THADA: variants seen among roughly 807,000 people sequenced by gnomAD.
THADA encodes tRNA (32-2'-O)-methyltransferase regulator THADA.
THADA carries 213 observed loss-of-function variants against 219.8 expected under a neutral mutation model. The observed-to-expected ratio is 0.97, with a 90% CI of 0.87 to 1.09. THADA has a LOEUF of 1.09. Ranked by LOEUF, THADA falls within the 50% of genes least tolerant of loss-of-function variation. THADA has a pLI of 0.00. For synonymous variants in THADA, 1,018 were observed against 828.9 expected, an observed-to-expected ratio of 1.23 and a Z score of -3.92; for missense variants, 2,956 against 2,311.3, an observed-to-expected ratio of 1.28 and a Z score of -5.72.
chr2:43,307,213 A>C (rs1398490940), intron 31 of THADA, among the ~76,000 whole-genome samples: 3 of 152,248 alleles, frequency 2.0e-5, no homozygotes, highest in African/African-American at 7.2e-5. Context: ...CCAAGAGGCA[A>C]CTTCTAAGCC....
intron 26 of THADA, among the ~76,000 whole-genome samples, chr2:43,432,253 G>T (rs868291753): frequency 6.6e-6 from 1 of 152,132 alleles, no homozygotes; most frequent in African/African-American, 2.4e-5. Context: ...GCCTCCCAAA[G>T]TTCTGGGATT....
intron 36 of THADA, among the ~76,000 whole-genome samples, chr2:43,264,034 T>A (rs543939737): frequency 6.6e-6 from 1 of 152,174 alleles, no homozygotes; most frequent in African/African-American, 2.4e-5. Flanking sequence ...TTTTCCTCCA[T>A]GGGCTGAGAC....
chr2:43,413,026 T>C (rs1252429348), intron 28 of THADA, among the ~76,000 whole-genome samples: 2 of 152,188 alleles, frequency 1.3e-5, no homozygotes, highest in African/African-American at 4.8e-5. Context: ...GAGACATCTT[T>C]TGGTCAGAGT....
Position 43,398,004 on chromosome 2 carries a change from G to A in THADA, c.4194C>T (p.Phe1398=). 1 of 1,613,910 alleles carries A rather than the reference G, an allele frequency of 6.2e-7. No homozygotes were observed. Residue 1398 remains phenylalanine, a synonymous_variant, in exon 29 of 38, where the codon TTC becomes TTT. Coordinates refer to ENST00000405975, the MANE Select transcript of THADA (RefSeq NM_022065.5). ...STLPSCTDQC[F]RQNHIHGTLL... ...GTGTCCCATGAATGTGGTTTTGCCG[G>A]AAACACTGGTCAGTGCAGCTGGGGA...
intron 31 of THADA, among the ~76,000 whole-genome samples, chr2:43,306,893 TG>T (rs2104423901): frequency 6.6e-6 from 1 of 152,366 alleles, no homozygotes; most frequent in East Asian, 1.9e-4. Context: ...TGATAGCTGC[TG>T]TTCTCCCAAT....
chr2:43,580,230 A>G (rs899991712), intron 8 of THADA, among the ~76,000 whole-genome samples: 6 of 151,564 alleles, frequency 4.0e-5, no homozygotes, highest in African/African-American at 1.5e-4. Context: ...TATTTTAGAC[A>G]GGATTTCATC....
intron 26 of THADA, among the ~76,000 whole-genome samples, chr2:43,484,086 T>C (rs934858092): frequency 2.6e-5 from 4 of 152,030 alleles, no homozygotes; most frequent in African/African-American, 9.6e-5. Flanking sequence ...ATTTAAAAAA[T>C]ACTCAGTTAA....
At chr2:43,432,595 GAC>G (rs1405349126) in intron 26 of THADA, among the ~76,000 whole-genome samples, 2 of 151,848 alleles carry the variant, frequency 1.3e-5, no homozygotes, top group African/African-American at 4.8e-5. Context: ...TTAGGAAACT[GAC>G]AGTTTCCTGA....
intron 30 of THADA, among the ~76,000 whole-genome samples, chr2:43,325,476 T>G (rs11890610): frequency 0.014 from 2,089 of 151,854 alleles, 45 homozygotes; most frequent in African/African-American, 0.048. Flanking sequence ...TTTTTCCAAA[T>G]GTATGTTAGG....
rs186691089 is a variant in THADA, at chr2:43,532,661, A to T, written c.3265-4673T>A. Among the ~76,000 whole-genome samples the T allele has an allele frequency of 3.2e-3, 492 of 152,314 alleles. 4 individuals carry two copies. The highest frequency in any genetic ancestry group is 0.01 in the African/African-American group (436 of 41,568). ...GCCAATATCACACTGAATGGGCAAA[A>T]GCTGAAAGCATTCCCTTTGAAAACC... is the stretch of plus-strand genomic sequence containing the variant. On this transcript the variant is annotated intron_variant, in intron 21 of 37. Coordinates refer to ENST00000405975, the MANE Select transcript of THADA (RefSeq NM_022065.5).
At position 43,478,032 on chromosome 2, in the gene THADA, TC is replaced by T. The variant is rs145989199; in HGVS notation, c.3836+7201del. 6.9e-3 allele frequency among the ~76,000 whole-genome samples: 1,048 copies of T among 152,308 alleles called. 12 individuals carry two copies. The highest frequency in any genetic ancestry group is 0.023 in the African/African-American group (938 of 41,570). On this transcript the variant is annotated intron_variant, in intron 26 of 37. Transcript: ENST00000405975. ...CCTCTGACCTCTTATCCCCTGACAG[TC>T]AGTGCCAGAGAGTTTGATTCTCACA... is the stretch of plus-strand genomic sequence containing the variant.
At chr2:43,425,042 C>A (rs534029746) in intron 28 of THADA, among the ~76,000 whole-genome samples, 2 of 152,248 alleles carry the variant, frequency 1.3e-5, no homozygotes, top group South Asian at 4.1e-4. Context: ...CCCTATAGGT[C>A]CATTCCGTGT....
intron 26 of THADA, among the ~76,000 whole-genome samples, chr2:43,431,368 C>T (rs2104824232): frequency 6.6e-6 from 1 of 152,304 alleles, no homozygotes; most frequent in South Asian, 2.1e-4. Context: ...CCCTTCCCAG[C>T]AAACTCCCGC....
At chr2:43,424,946 C>T (rs1239734491) in intron 28 of THADA, among the ~76,000 whole-genome samples, 1 of 152,164 alleles carries the variant, frequency 6.6e-6, no homozygotes, top group Non-Finnish European at 1.5e-5. Context: ...AGAGACATTA[C>T]GTCTATATCC....
chr2:43,349,557 G>T (rs116662680), intron 29 of THADA, among the ~76,000 whole-genome samples: 3 of 152,182 alleles, frequency 2.0e-5, no homozygotes, highest in Admixed American at 2.0e-4. Flanking sequence ...GCAACGCTGA[G>T]ATGGGTTTTC....
In THADA at chr2:43,308,755, TACCAAAAAA is replaced by T. The variant is rs1184062773; in HGVS notation, c.4438+11682_4438+11690del. Reference sequence around the variant, plus strand: ...ATGGTGCTGAAACATTGGATACCCATACCAAAAAAAAAAAAAAAAAAAAAAAAAAGAATG... The same window carrying T: ...ATGGTGCTGAAACATTGGATACCCATAAAAAAAAAAAAAAAAAAAAGAATG... On this transcript the variant is annotated intron_variant, in intron 31 of 37. Coordinates refer to ENST00000405975, the MANE Select transcript of THADA (RefSeq NM_022065.5). Among the ~76,000 whole-genome samples the T allele has an allele frequency of 2.1e-4, 13 of 63,322 alleles. 1 individual carries two copies. In the South Asian group the frequency reaches 2.6e-3, roughly 13 times the overall value. 41.5% of individuals were successfully genotyped at this position (63,322 alleles called of 152,430 possible).
At chr2:43,242,120 T>C (rs1036066931) in intron 36 of THADA, among the ~76,000 whole-genome samples, 6 of 152,244 alleles carry the variant, frequency 3.9e-5, no homozygotes, top group Non-Finnish European at 8.8e-5. Context: ...CTCCACTGTA[T>C]CTGCACAGTG....
intron 24 of THADA, 96 bp downstream of exon 24, chr2:43,505,526 C>T: frequency 1.1e-6 from 1 of 901,178 alleles, no homozygotes; most frequent in Non-Finnish European, 1.7e-6. Context: ...TGTACTCCAG[C>T]CTGGGTAACA....
At chr2:43,372,062 G>A (rs1404186746) in intron 29 of THADA, 1 of 152,166 alleles carries the variant, frequency 6.6e-6, no homozygotes, top group Non-Finnish European at 1.5e-5. Flanking sequence ...TGGGCTGCCT[G>A]TTGTCACCTC....
Sources: allele counts gnomAD v4.1 joint callset (sites outside exome capture counted in the v4.1 genomes callset), GRCh38; gene constraint gnomAD v4.1.1; transcripts MANE v1.5; gene names NCBI Gene and HGNC (gene_info 2026-07-23, HGNC 2026-07-21).